Variants in PRKCE observed in about 807,000 individuals in gnomAD.
PRKCE encodes protein kinase C epsilon type.
Under a neutral mutation model 85.4 loss-of-function variants are expected in PRKCE, and 16 were observed. The ratio of observed to expected loss-of-function variants is 0.19; its 90% confidence interval spans 0.13 to 0.28. The LOEUF (loss-of-function observed/expected upper bound fraction) is 0.28. Ranked by LOEUF, PRKCE falls within the 10% of genes least tolerant of loss-of-function variation. The probability of loss-of-function intolerance (pLI) is 1.00; values close to 1 mark genes in which losing one functional copy is unlikely to be tolerated. For missense variants in PRKCE, 573 were observed against 975.2 expected (o/e 0.59, Z 5.49); for synonymous variants, 388 against 371.5 (o/e 1.04, Z -0.51).
At chr2:45,842,979 C>T (rs2105486620) in intron 1 of PRKCE, 21 bp from the exon 2 acceptor site, 1 of 1,612,278 alleles carries the variant, frequency 6.2e-7, no homozygotes, top group Non-Finnish European at 8.5e-7. Context: ...AACAGAGTCA[C>T]TGTCATTTTC....
intron 10 of PRKCE, 140 bp downstream of exon 10, chr2:46,010,657 G>A (rs746576331): frequency 1.3e-6 from 2 of 1,599,086 alleles, no homozygotes; most frequent in Non-Finnish European, 8.5e-7. Context: ...AGATCAGGAT[G>A]TATTTGAACA....
intron 11 of PRKCE, among the ~76,000 whole-genome samples, chr2:46,128,877 G>A (rs953979200): frequency 1.1e-4 from 16 of 152,254 alleles, no homozygotes; most frequent in South Asian, 2.1e-4. Flanking sequence ...GGTCCTGCTC[G>A]TGGGCACTTG....
At chr2:46,010,125 G>C (rs1294954076) in intron 9 of PRKCE, among the ~76,000 whole-genome samples, 1 of 152,204 alleles carries the variant, frequency 6.6e-6, no homozygotes, top group Non-Finnish European at 1.5e-5. Flanking sequence ...AGGGGGTCTT[G>C]CTATGTTGCC....
chr2:46,014,089 C>T (rs923668791), intron 10 of PRKCE, among the ~76,000 whole-genome samples: 1 of 152,190 alleles, frequency 6.6e-6, no homozygotes, highest in Non-Finnish European at 1.5e-5. Flanking sequence ...TCCATCCGCT[C>T]CATGGGATCT....
intron 1 of PRKCE, among the ~76,000 whole-genome samples, chr2:45,692,826 G>A (rs990068081): frequency 6.6e-6 from 1 of 152,098 alleles, no homozygotes; most frequent in Admixed American, 6.5e-5. Context: ...AATGCTCTGT[G>A]GGTGAGTTTG....
At chr2:45,834,422 A>G (rs970077636) in intron 1 of PRKCE, among the ~76,000 whole-genome samples, 1 of 152,262 alleles carries the variant, frequency 6.6e-6, no homozygotes, top group Non-Finnish European at 1.5e-5. Flanking sequence ...AAGTTAGCTC[A>G]GAACACAATT....
chr2:45,869,111 G>T (rs1693870852), intron 2 of PRKCE, among the ~76,000 whole-genome samples: 1 of 152,122 alleles, frequency 6.6e-6, no homozygotes, highest in Non-Finnish European at 1.5e-5. Flanking sequence ...TTTGTGATAG[G>T]TGATCTACTT....
rs146146907 is a variant in PRKCE, at chr2:46,136,621, A to G, written c.1593-8472A>G. On this transcript the variant is annotated intron_variant, in intron 11 of 14. Transcript: ENST00000306156. ...TGCCCAGGGCTGTTGTGGGAAGGAA[A>G]GGAATACTGTCTGTGATAGCACACA... Among the ~76,000 whole-genome samples, 774 of 152,294 alleles carry G rather than the reference A, an allele frequency of 5.1e-3. 7 individuals are homozygous for G. Among genetic ancestry groups the G allele is most frequent in the Middle Eastern group, 0.017 (5 of 294 alleles).
Position 45,672,246 on chromosome 2 carries a change from GCATCCATCCATCCATCCATCCATC to G in PRKCE, c.348+19809_348+19832del, listed in dbSNP as rs57355156. ...TCTCTACATCCATCCATCTGTCTAT[GCATCCATCCATCCATCCATCCATC>G]CATCCATCCACCCACCCATCCATTC... On this transcript the variant is annotated intron_variant, in intron 1 of 14. Coordinates refer to ENST00000306156, the MANE Select transcript of PRKCE (RefSeq NM_005400.3). Among the ~76,000 whole-genome samples the G allele has an allele frequency of 4.0e-5, 6 of 150,408 alleles. No homozygotes were observed. The East Asian group carries it at 1.2e-3, about 30-fold the overall frequency.
At position 46,155,986 on chromosome 2, in the gene PRKCE, C is replaced by T. The variant is rs1490657261; in HGVS notation, c.1921-3620C>T. On this transcript the variant is annotated intron_variant, in intron 13 of 14. Coordinates refer to ENST00000306156, the MANE Select transcript of PRKCE (RefSeq NM_005400.3). This position sits in a 1 kb window ranked among gnomAD's most constrained non-coding sequence, Gnocchi z 4.7. ...TAACCTGCACAATGTGCACATGTAC[C>T]CTAAAACTTAAAGTATATAAAAAAA... Among the ~76,000 whole-genome samples, 5 of 149,258 alleles carry T rather than the reference C, an allele frequency of 3.3e-5. No individual in the cohort carries two copies. The highest frequency in any genetic ancestry group is 5.9e-5 in the Non-Finnish European group (4 of 67,780).
At chr2:45,814,867 A>G (rs1688918273) in intron 1 of PRKCE, among the ~76,000 whole-genome samples, 1 of 152,140 alleles carries the variant, frequency 6.6e-6, no homozygotes, top group African/African-American at 2.4e-5. Context: ...ATGAGCCCTT[A>G]TTAGGAGAAG....
At chr2:45,928,284 T>A (rs1698778516) in intron 2 of PRKCE, among the ~76,000 whole-genome samples, 1 of 152,246 alleles carries the variant, frequency 6.6e-6, no homozygotes, top group African/African-American at 2.4e-5. Context: ...ATACTTCTTT[T>A]TGAGATAGAA....
At chr2:46,097,720 T>A (rs1271257193) in intron 11 of PRKCE, among the ~76,000 whole-genome samples, 4 of 152,296 alleles carry the variant, frequency 2.6e-5, no homozygotes, top group Admixed American at 1.3e-4. Flanking sequence ...GTCATATAGA[T>A]GAAGAGCTTG....
At chr2:46,042,475 A>G (rs1019207946) in intron 10 of PRKCE, among the ~76,000 whole-genome samples, 5 of 152,240 alleles carry the variant, frequency 3.3e-5, no homozygotes, top group Non-Finnish European at 7.3e-5. Flanking sequence ...CCGAATTTCA[A>G]TCAGGACTAG....
chr2:45,862,031 G>A (rs1182070046), intron 2 of PRKCE, among the ~76,000 whole-genome samples: 1 of 152,108 alleles, frequency 6.6e-6, no homozygotes, highest in Non-Finnish European at 1.5e-5. Context: ...TCTGAAAAGT[G>A]GAGATGGGGA....
intron 1 of PRKCE, among the ~76,000 whole-genome samples, chr2:45,720,923 A>G (rs1378801961): frequency 6.6e-6 from 1 of 152,116 alleles, no homozygotes; most frequent in Non-Finnish European, 1.5e-5. Flanking sequence ...CCTGGCCAAT[A>G]TGGTGAAACC....
intron 11 of PRKCE, among the ~76,000 whole-genome samples, chr2:46,111,227 G>A (rs1347340548): frequency 6.6e-6 from 1 of 152,068 alleles, no homozygotes; most frequent in Non-Finnish European, 1.5e-5. Context: ...TGCTGTTCAG[G>A]TCAACTATAT....
At chr2:45,877,746 C>T (rs1694585605) in intron 2 of PRKCE, among the ~76,000 whole-genome samples, 1 of 108,572 alleles carries the variant, frequency 9.2e-6, no homozygotes, top group African/African-American at 2.5e-5. Context: ...GGTTCTTGCT[C>T]ATGGTTCCCT....
At position 45,652,291 on chromosome 2, in the gene PRKCE, C is replaced by T. The variant is rs1226690363; in HGVS notation, c.191C>T (p.Ala64Val). 3 of 1,613,496 alleles carry T rather than the reference C, an allele frequency of 1.9e-6. No individual in the cohort carries two copies. Among genetic ancestry groups the T allele is most frequent in the African/African-American group, 1.3e-5 (1 of 74,874 alleles). Residue 64 changes from alanine to valine, a missense_variant, in exon 1 of 15, where the codon GCC becomes GTC. Transcript: ENST00000306156. This position sits in a 1 kb window ranked among gnomAD's most constrained non-coding sequence, Gnocchi z 7.7. ...TATKQKTNSP[A>V]WHDEFVTDVC... ...ACCAAGCAGAAGACCAACAGCCCGG[C>T]CTGGCACGACGAGTTCGTCACCGAT...
Sources: allele counts gnomAD v4.1 joint callset (sites outside exome capture counted in the v4.1 genomes callset), GRCh38; gene constraint gnomAD v4.1.1; non-coding constraint Gnocchi (gnomAD v3.1); transcripts MANE v1.5; gene names NCBI Gene and HGNC (gene_info 2026-07-23, HGNC 2026-07-21).